The following CLSTN2 variants were observed in gnomAD, a reference collection of about 807,000 sequenced individuals.
CLSTN2 encodes calsyntenin 2.
Under a neutral mutation model 101.2 loss-of-function variants are expected in CLSTN2, and 48 were observed. The observed-to-expected ratio is 0.47, with a 90% CI of 0.38 to 0.60. CLSTN2 has a LOEUF of 0.60. Ranked by LOEUF, CLSTN2 falls within the 20% of genes least tolerant of loss-of-function variation. The pLI is 0.00. For missense variants in CLSTN2, 1,160 were observed against 1,238.2 expected (o/e 0.94, Z 0.95); for synonymous variants, 481 against 463.6 (o/e 1.04, Z -0.48).
At chr3:140,122,218 T>C (rs1187786427) in intron 1 of CLSTN2, among the ~76,000 whole-genome samples, 1 of 152,196 alleles carries the variant, frequency 6.6e-6, no homozygotes, top group Non-Finnish European at 1.5e-5. Flanking sequence ...GCATGCTTTT[T>C]GCAGCCAGAA....
chr3:140,532,396 G>A lies in CLSTN2; in HGVS notation c.1417G>A (p.Ala473Thr), dbSNP rs1309580246. The A allele has an allele frequency of 1.2e-6, 2 of 1,613,566 alleles. No homozygotes were observed. Among genetic ancestry groups the A allele is most frequent in the African/African-American group, 1.3e-5 (1 of 75,024 alleles). ...FPVVTLYMDGATYEPYLVTND... is the reference protein window; with the variant it reads ...FPVVTLYMDGTTYEPYLVTND... ...TGTGGTAACCTTATACATGGATGGAGCAACATATGAACCATACCTGGTGAC... is the reference window on the plus strand; with the variant it reads ...TGTGGTAACCTTATACATGGATGGAACAACATATGAACCATACCTGGTGAC... Residue 473 changes from alanine to threonine, a missense_variant, in exon 9 of 17, where the codon GCA (alanine) becomes ACA (threonine). Transcript: ENST00000458420.
chr3:140,071,767 C>G (rs1485974832), intron 1 of CLSTN2, among the ~76,000 whole-genome samples: 1 of 151,976 alleles, frequency 6.6e-6, no homozygotes, highest in Non-Finnish European at 1.5e-5. Context: ...GGAGGCGGAG[C>G]TTGCAGTGAG....
At chr3:140,106,680 A>G (rs1345222048) in intron 1 of CLSTN2, among the ~76,000 whole-genome samples, 1 of 152,214 alleles carries the variant, frequency 6.6e-6, no homozygotes, top group Non-Finnish European at 1.5e-5. Context: ...TCCAGGCTGG[A>G]CAGTATTCAA....
chr3:140,150,058 G>A (rs570931068), intron 1 of CLSTN2, among the ~76,000 whole-genome samples: 1 of 152,308 alleles, frequency 6.6e-6, no homozygotes, highest in South Asian at 2.1e-4. Context: ...ACCCTTCAGT[G>A]AAGATAGAGG....
chr3:140,345,351 C>T (rs759192005), intron 2 of CLSTN2, among the ~76,000 whole-genome samples: 17 of 151,290 alleles, frequency 1.1e-4, no homozygotes, highest in African/African-American at 2.7e-4. Context: ...CCGGTTCAAG[C>T]GATTCTCCTG....
chr3:139,977,558 A>G (rs982472793), intron 1 of CLSTN2, among the ~76,000 whole-genome samples: 1 of 152,180 alleles, frequency 6.6e-6, no homozygotes, highest in Non-Finnish European at 1.5e-5. Flanking sequence ...AACCTGCTAG[A>G]TTAAGTATTT....
intron 1 of CLSTN2, among the ~76,000 whole-genome samples, chr3:140,029,820 A>T (rs2007509005): frequency 6.6e-6 from 1 of 151,808 alleles, no homozygotes; most frequent in African/African-American, 2.4e-5. Flanking sequence ...TCTTATTTTC[A>T]CTCTCCAACT....
At chr3:140,395,407 G>A (rs998562539) in intron 2 of CLSTN2, among the ~76,000 whole-genome samples, 7 of 152,076 alleles carry the variant, frequency 4.6e-5, no homozygotes, top group Admixed American at 2.0e-4. Flanking sequence ...TGTCATTGTA[G>A]CCTCATGGAA....
intron 2 of CLSTN2, among the ~76,000 whole-genome samples, chr3:140,209,118 T>C (rs2010821995): frequency 6.6e-6 from 1 of 152,218 alleles, no homozygotes; most frequent in African/African-American, 2.4e-5. Flanking sequence ...CTCATCTTGC[T>C]CTCAGATTTT....
At chr3:140,374,396 A>G (rs983137300) in intron 2 of CLSTN2, among the ~76,000 whole-genome samples, 1 of 152,046 alleles carries the variant, frequency 6.6e-6, no homozygotes, top group Non-Finnish European at 1.5e-5. Context: ...CAAGTTCCAC[A>G]TCCTGCCTGG....
chr3:140,513,579 C>CTTT (rs1393793646), intron 8 of CLSTN2, among the ~76,000 whole-genome samples: 4 of 59,498 alleles, frequency 6.7e-5, no homozygotes, highest in Non-Finnish European at 1.4e-4. Flanking sequence ...CTTTTTTTTT[C>CTTT]TTTCTTTTTT....
chr3:140,307,405 A>G (rs1416264687), intron 2 of CLSTN2, among the ~76,000 whole-genome samples: 3 of 152,160 alleles, frequency 2.0e-5, no homozygotes, highest in African/African-American at 7.2e-5. Context: ...GCTCTTTGGC[A>G]GAGCAGGGCA....
chr3:140,180,733 G>A (rs1433666281), intron 2 of CLSTN2, among the ~76,000 whole-genome samples: 2 of 152,160 alleles, frequency 1.3e-5, no homozygotes, highest in African/African-American at 2.4e-5. Flanking sequence ...GAATGATCAG[G>A]CATAATTGGC....
intron 2 of CLSTN2, among the ~76,000 whole-genome samples, chr3:140,302,698 G>T (rs2087071653): frequency 1.3e-5 from 2 of 152,242 alleles, no homozygotes; most frequent in Non-Finnish European, 2.9e-5. Context: ...GGTTGGGGAT[G>T]TGGAAAAGAT....
rs2008463821 is a variant in CLSTN2 at position 140,075,082 on chromosome 3, C to G, written c.110-100869C>G. On this transcript the variant is annotated intron_variant, in intron 1 of 16. Transcript: ENST00000458420. ...TCATCCCTGATACTAGTTATTTGCT[C>G]CTTTCTTTTTGTGAGCCTCACCAGA... 2.0e-5 allele frequency among the ~76,000 whole-genome samples: 3 copies of G among 152,292 alleles called. No homozygotes were observed. The South Asian group carries it at 6.2e-4, about 32-fold the overall frequency.
At chr3:140,378,467 T>C (rs1016825586) in intron 2 of CLSTN2, among the ~76,000 whole-genome samples, 3 of 152,246 alleles carry the variant, frequency 2.0e-5, no homozygotes, top group African/African-American at 4.8e-5. Context: ...AATTTTTCCA[T>C]AGGTGAAGAG....
At chr3:140,273,916 C>A (rs1489884190) in intron 2 of CLSTN2, among the ~76,000 whole-genome samples, 2 of 152,162 alleles carry the variant, frequency 1.3e-5, no homozygotes, top group Non-Finnish European at 2.9e-5. Flanking sequence ...AGGACTGGAG[C>A]AGCTCACAAA....
intron 1 of CLSTN2, among the ~76,000 whole-genome samples, chr3:140,083,673 T>A (rs983509367): frequency 1.3e-5 from 2 of 152,220 alleles, no homozygotes; most frequent in African/African-American, 4.8e-5. Flanking sequence ...ACGTGGCACA[T>A]GATGAGTTCA....
intron 1 of CLSTN2, among the ~76,000 whole-genome samples, chr3:140,011,100 G>T (rs2007064179): frequency 6.6e-6 from 1 of 152,164 alleles, no homozygotes; most frequent in African/African-American, 2.4e-5. Context: ...CAGGCAGGTT[G>T]CTTCCACAGG....
Sources: gnomAD v4.1 joint callset for allele counts (sites outside exome capture counted in the v4.1 genomes callset) on GRCh38, gnomAD v4.1.1 for gene constraint, MANE v1.5 for transcripts, NCBI Gene and HGNC (gene_info 2026-07-23, HGNC 2026-07-21) for gene names.